Variants in MRGPRE observed in about 807,000 individuals in gnomAD.
MRGPRE encodes the protein mas-related G protein-coupled receptor member E.
For missense variants in MRGPRE, 466 were observed against 433.4 expected (o/e 1.08, Z -0.67); for synonymous variants, 229 against 206.7 (o/e 1.11, Z -0.92).
Position 3,228,877 on chromosome 11 carries a change from T to C in MRGPRE, c.-61-17A>G, listed in dbSNP as rs1410068653. 11 of 1,211,926 alleles carry C rather than the reference T, an allele frequency of 9.1e-6. No individual in the cohort carries two copies. In the East Asian group the frequency reaches 2.5e-4, roughly 28 times the overall value. 75.1% of individuals were successfully genotyped at this position (1,211,926 alleles called of 1,614,324 possible). A position where few individuals can be genotyped will look rare whatever the true frequency, so the allele number is the denominator to read the frequency against. On this transcript the variant is annotated splice_polypyrimidine_tract_variant and intron_variant, in intron 1 of 1. Coordinates refer to ENST00000389832, the MANE Select transcript of MRGPRE (RefSeq NM_001039165.4). ...CTGATGCCCCTGTAAACCACAACAG[T>C]TGAGTCTGGGGCTCAGGAATCCATG...
rs899209564 is a variant in MRGPRE, at chr11:3,226,149, A to G, written c.*1712T>C. The G allele has an allele frequency of 6.6e-6, 1 of 152,188 alleles. No individual in the cohort carries two copies. The highest frequency in any genetic ancestry group is 2.4e-5 in the African/African-American group (1 of 41,410). The allele number at this position is 152,188 out of a possible 1,614,324, so 9.4% of individuals were successfully genotyped here. A position where few individuals can be genotyped will look rare whatever the true frequency, so the allele number is the denominator to read the frequency against. On this transcript the variant is annotated 3_prime_UTR_variant, in exon 2 of 2. Transcript: ENST00000389832. ...CTGCAGAGTGGGAGCACCTTCCTAC[A>G]TTATTACGAGGATTCCCCGGGAACA...
At position 3,226,774 on chromosome 11, in the gene MRGPRE, T is replaced by A. The variant is rs1340791041; in HGVS notation, c.*1087A>T. On this transcript the variant is annotated 3_prime_UTR_variant, in exon 2 of 2. Transcript: ENST00000389832. The stretch of plus-strand genomic sequence containing the variant: ...GGTGGCAGTAGAATCGACAGACATT[T>A]CTCTTGGGCTCACGAGAGGCTGGAC... Among the ~76,000 whole-genome samples, 1 of 152,174 alleles carries A rather than the reference T, an allele frequency of 6.6e-6. No individual in the cohort carries two copies. Among genetic ancestry groups the A allele is most frequent in the Admixed American group, 6.5e-5 (1 of 15,282 alleles).
rs1381635077 is a variant in MRGPRE at position 3,228,054 on chromosome 11, T to C, written c.746A>G (p.Tyr249Cys). The change falls in exon 2 of 2, where the codon TAC (tyrosine) becomes TGC (cysteine). Residue 249 changes from tyrosine to cysteine, a missense_variant. Physicochemically the swap from Tyr to Cys is radical, Grantham distance 194 (BLOSUM62 -2). Coordinates refer to ENST00000389832, the MANE Select transcript of MRGPRE (RefSeq NM_001039165.4). ...CATGAGGAAGCTGAAGTGGTAGAAG[T>C]AGTGGGGGATGTACCAGAGCAGGTT... ...SRNLLWYIPH[Y>C]FYHFSFLMAA... 6.2e-7 allele frequency: 1 copy of C among 1,608,268 alleles called. No individual in the cohort carries two copies. Among genetic ancestry groups the C allele is most frequent in the Non-Finnish European group, 8.5e-7 (1 of 1,177,854 alleles).
chr11:3,230,781 C>T lies in MRGPRE; in HGVS notation c.-62+1360G>A, dbSNP rs1395718952. 1.3e-5 allele frequency among the ~76,000 whole-genome samples: 2 copies of T among 152,136 alleles called. No homozygotes were observed. The highest frequency in any genetic ancestry group is 4.8e-5 in the African/African-American group (2 of 41,428). ...GGCTCTTCCTCCTGTCCCTGTGCTC[C>T]ATCCTAGCACCCAAGGCCCCGGGAA... On this transcript the variant is annotated intron_variant, in intron 1 of 1. Transcript: ENST00000389832. This position sits in a 1 kb window ranked among gnomAD's most constrained non-coding sequence, Gnocchi z 5.5.
chr11:3,228,993 T>C (rs900891027), intron 1 of MRGPRE, 133 bp from the exon 2 acceptor site: 5 of 554,930 alleles, frequency 9.0e-6, no homozygotes, highest in Admixed American at 6.3e-5. Context: ...CCCTCTCTCA[T>C]TTCCACCCTC....
rs1238753871 is a variant in MRGPRE, at chr11:3,227,050, G to A, written c.*811C>T. ...CTTCCTCAGAGGGATCCTCTGGAGC[G>A]GGACTTGCTCAGGACAGAGGCGGGT... On this transcript the variant is annotated 3_prime_UTR_variant, in exon 2 of 2. Transcript: ENST00000389832. Among the ~76,000 whole-genome samples the A allele has an allele frequency of 2.6e-5, 4 of 152,198 alleles. No individual in the cohort carries two copies. Among genetic ancestry groups the A allele is most frequent in the African/African-American group, 4.8e-5 (2 of 41,454 alleles).
rs1322115081 is a variant in MRGPRE, at chr11:3,227,526, C to G, written c.*335G>C. On this transcript the variant is annotated 3_prime_UTR_variant, in exon 2 of 2. Transcript: ENST00000389832. ...CTTGCTTCCTTGCTTTCCGGGGTCT[C>G]CTCACTGCAGCTGAGCAGGGAATGG... 2.0e-5 allele frequency among the ~76,000 whole-genome samples: 3 copies of G among 152,156 alleles called. No individual in the cohort carries two copies. Among genetic ancestry groups the G allele is most frequent in the Non-Finnish European group, 2.9e-5 (2 of 68,028 alleles).
In MRGPRE at chr11:3,226,463, C is replaced by T. The variant is rs1162035783; in HGVS notation, c.*1398G>A. On this transcript the variant is annotated 3_prime_UTR_variant, in exon 2 of 2. Transcript: ENST00000389832. Reference sequence around the variant, plus strand: ...AGAGGTGGGTCCAGCCCCTGGGGCTCCCAGTCTCAAGGGATACCTGGACCC... The same window carrying T: ...AGAGGTGGGTCCAGCCCCTGGGGCTTCCAGTCTCAAGGGATACCTGGACCC... The T allele has an allele frequency of 3.3e-5, 5 of 152,196 alleles. No homozygotes were observed. Among genetic ancestry groups the T allele is most frequent in the Non-Finnish European group, 7.3e-5 (5 of 68,074 alleles). 9.4% of individuals were successfully genotyped at this position (152,196 alleles called of 1,614,324 possible).
At position 3,227,343 on chromosome 11, in the gene MRGPRE, T is replaced by C. The variant is rs555188271; in HGVS notation, c.*518A>G. ...GAGGGGGTCAAGTTTTGGGCAGTCTTCCATTTTAGGGTCAATTTAGCTTCC... is the reference window on the plus strand; with the variant it reads ...GAGGGGGTCAAGTTTTGGGCAGTCTCCCATTTTAGGGTCAATTTAGCTTCC... On this transcript the variant is annotated 3_prime_UTR_variant, in exon 2 of 2. Coordinates refer to ENST00000389832, the MANE Select transcript of MRGPRE (RefSeq NM_001039165.4). 2.0e-5 allele frequency among the ~76,000 whole-genome samples: 3 copies of C among 152,198 alleles called. No homozygotes were observed. The highest frequency in any genetic ancestry group is 3.9e-4 in the East Asian group (2 of 5,154).
In MRGPRE at chr11:3,226,590, C is replaced by A. The variant is rs991205734; in HGVS notation, c.*1271G>T. ...CAGGGTGCTGACCAGGGATCTGCGA[C>A]TCACACCCAGACTCAAGAGGGGCTG... On this transcript the variant is annotated 3_prime_UTR_variant, in exon 2 of 2. Coordinates refer to ENST00000389832, the MANE Select transcript of MRGPRE (RefSeq NM_001039165.4). 6.6e-6 allele frequency among the ~76,000 whole-genome samples: 1 copy of A among 152,204 alleles called. No individual in the cohort carries two copies. The highest frequency in any genetic ancestry group is 2.4e-5 in the African/African-American group (1 of 41,446).
intron 1 of MRGPRE, 32 bp from the exon 2 acceptor site, chr11:3,228,892 A>G (rs772976402): frequency 1.6e-4 from 165 of 1,033,290 alleles, no homozygotes; most frequent in Non-Finnish European, 2.2e-4. Flanking sequence ...TCTGGGGCTC[A>G]GGAATCCATG....
At position 3,231,293 on chromosome 11, in the gene MRGPRE, C is replaced by T. The variant is rs79300837; in HGVS notation, c.-62+848G>A. On this transcript the variant is annotated intron_variant, in intron 1 of 1. Transcript: ENST00000389832. This position sits in a 1 kb window ranked among gnomAD's most constrained non-coding sequence, Gnocchi z 4.7. ...GGGGAGAGTGCAGGAAGGGGAGAGG[C>T]ATGAAGAGATGGGGGACAGAGAAGG... Among the ~76,000 whole-genome samples the T allele has an allele frequency of 0.033, 4,934 of 151,738 alleles. 188 individuals are homozygous for T. Among genetic ancestry groups the T allele is most frequent in the Admixed American group, 0.1 (1,599 of 15,254 alleles).
At position 3,228,670 on chromosome 11, in the gene MRGPRE, C is replaced by A. The variant is rs950080300; in HGVS notation, c.130G>T (p.Ala44Ser). 10 of 1,613,946 alleles carry A rather than the reference C, an allele frequency of 6.2e-6. No homozygotes were observed. The highest frequency in any genetic ancestry group is 8.5e-6 in the Non-Finnish European group (10 of 1,179,982). Residue 44 changes from alanine (A) to serine (S), a missense_variant, in exon 2 of 2, where the codon GCA becomes TCA. By Grantham distance (99) the Ala-to-Ser change is moderately conservative. Transcript: ENST00000389832. The stretch of plus-strand genomic sequence containing the variant: ...TTGGAGCTGAGCAGCCAGAGGACTG[C>A]CCCATTCCCCAGCAGCCCACCGAGG... ...LGLGGLLGNGAVLWLLSSNVY... is the reference protein window; with the variant it reads ...LGLGGLLGNGSVLWLLSSNVY...
rs377465998 is a variant in MRGPRE at position 3,229,126 on chromosome 11, G to C, written c.-61-266C>G. ...TGGGGCTGGTCCCTGTAGGCCAGGT[G>C]GGGGCAGGGACCAGGAGATGTGGGG... On this transcript the variant is annotated intron_variant, in intron 1 of 1. Transcript: ENST00000389832. This position sits in a 1 kb window ranked among gnomAD's most constrained non-coding sequence, Gnocchi z 4.4. 1.3e-4 allele frequency among the ~76,000 whole-genome samples: 20 copies of C among 152,230 alleles called. No homozygotes were observed. The highest frequency in any genetic ancestry group is 4.6e-4 in the African/African-American group (19 of 41,522).
chr11:3,231,179 C>T lies in MRGPRE; in HGVS notation c.-62+962G>A, dbSNP rs1847825616. On this transcript the variant is annotated intron_variant, in intron 1 of 1. Coordinates refer to ENST00000389832, the MANE Select transcript of MRGPRE (RefSeq NM_001039165.4). The surrounding 1 kb of genome is among the most constrained non-coding windows in gnomAD (Gnocchi z 4.7). ...AAGGGCCATGGTCCCTCTCCTATCT[C>T]ACCTCCTGCATGGCTGAGGAGGACA... Among the ~76,000 whole-genome samples, 3 of 152,244 alleles carry T rather than the reference C, an allele frequency of 2.0e-5. No individual in the cohort carries two copies. In the South Asian group the frequency reaches 6.2e-4, roughly 32 times the overall value.
In MRGPRE at chr11:3,228,396, C is replaced by T. The variant is rs759076113; in HGVS notation, c.404G>A (p.Arg135His). Residue 135 changes from arginine to histidine, a missense_variant, in exon 2 of 2, where the codon CGC (arginine) becomes CAC (histidine). Arg to His is a conservative substitution (Grantham distance 29). Transcript: ENST00000389832. ...ALFPAWYSCR[R>H]PRHLTTCVCA... Reference sequence around the variant, plus strand: ...CACACAGGTGGTCAGGTGGCGTGGGCGGCGGCACGAGTACCAGGCTGGGAA... The same window carrying T: ...CACACAGGTGGTCAGGTGGCGTGGGTGGCGGCACGAGTACCAGGCTGGGAA... The T allele has an allele frequency of 1.1e-5, 17 of 1,599,200 alleles. No individual in the cohort carries two copies. The highest frequency in any genetic ancestry group is 9.0e-5 in the East Asian group (4 of 44,288).
At position 3,225,809 on chromosome 11, in the gene MRGPRE, C is replaced by T. The variant is rs1023300913; in HGVS notation, c.*2052G>A. On this transcript the variant is annotated 3_prime_UTR_variant, in exon 2 of 2. Coordinates refer to ENST00000389832, the MANE Select transcript of MRGPRE (RefSeq NM_001039165.4). ...CAGATGAGGCCACATTTCCCGGACT[C>T]CTCGAGAAGGGGCTAATAAGGAGGA... 2.6e-5 allele frequency among the ~76,000 whole-genome samples: 4 copies of T among 152,210 alleles called. No homozygotes were observed. Among genetic ancestry groups the T allele is most frequent in the African/African-American group, 4.8e-5 (2 of 41,464 alleles).
In MRGPRE at chr11:3,227,295, A is replaced by G. The variant is rs1847771641; in HGVS notation, c.*566T>C. ...GGTCTGAGGTGCACGGCCTTGAGCA[A>G]CTGGCTGATGATCAAGGACGGGGAG... On this transcript the variant is annotated 3_prime_UTR_variant, in exon 2 of 2. Coordinates refer to ENST00000389832, the MANE Select transcript of MRGPRE (RefSeq NM_001039165.4). Among the ~76,000 whole-genome samples the G allele has an allele frequency of 6.6e-6, 1 of 152,120 alleles. No homozygotes were observed. The highest frequency in any genetic ancestry group is 2.4e-5 in the African/African-American group (1 of 41,428).
At position 3,225,136 on chromosome 11, in the gene MRGPRE, C is replaced by G. The variant is rs1428263508; in HGVS notation, c.*2725G>C. Among the ~76,000 whole-genome samples the G allele has an allele frequency of 1.3e-5, 2 of 152,268 alleles. No homozygotes were observed. The highest frequency in any genetic ancestry group is 1.3e-4 in the Admixed American group (2 of 15,292). ...CCGTGAAGACGCCATGCAGCGCAGG[C>G]TGATTTACAGACTCGTACCCGGGCG... is the stretch of plus-strand genomic sequence containing the variant. On this transcript the variant is annotated 3_prime_UTR_variant, in exon 2 of 2. Coordinates refer to ENST00000389832, the MANE Select transcript of MRGPRE (RefSeq NM_001039165.4).
Sources: gnomAD v4.1 joint callset for allele counts (sites outside exome capture counted in the v4.1 genomes callset) on GRCh38, gnomAD v4.1.1 for gene constraint, Gnocchi (gnomAD v3.1) non-coding constraint, MANE v1.5 for transcripts, NCBI Gene and HGNC (gene_info 2026-07-23, HGNC 2026-07-21) for gene names.